Variants in RUNX2 observed in about 807,000 individuals in gnomAD.
RUNX2 encodes the protein runt-related transcription factor 2.
RUNX2 carries 10 observed loss-of-function variants against 51.7 expected under a neutral mutation model. The ratio of observed to expected loss-of-function variants is 0.19; its 90% CI spans 0.12 to 0.33. The LOEUF is 0.33. Ranked by LOEUF, RUNX2 falls within the 10% of genes least tolerant of loss-of-function variation. The probability of loss-of-function intolerance (pLI) is 1.00; values close to 1 mark genes in which losing one functional copy is unlikely to be tolerated. For synonymous variants in RUNX2, 276 were observed against 273.6 expected (o/e 1.01, Z -0.09); for missense variants, 562 against 691.3 (o/e 0.81, Z 2.10).
intron 5 of RUNX2, among the ~76,000 whole-genome samples, chr6:45,448,775 G>A (rs1465398683): frequency 6.6e-6 from 1 of 152,142 alleles, no homozygotes; most frequent in African/African-American, 2.4e-5. Flanking sequence ...TTGGTTGCGG[G>A]GGATACTCAG....
chr6:45,452,779 C>T (rs752540262), intron 5 of RUNX2, among the ~76,000 whole-genome samples: 18 of 152,108 alleles, frequency 1.2e-4, no homozygotes, highest in Admixed American at 3.3e-4. Flanking sequence ...AAACAGACTT[C>T]GAAACAGGTG....
chr6:45,437,928 T>C lies in RUNX2; in HGVS notation c.581-19T>C, dbSNP rs753026542. ...GTTTTTTAATATTCACTGTATATTT[T>C]CCCCTTTTATATCTGCAGGCAAGAG... On this transcript the variant is annotated intron_variant, in intron 4 of 8. Transcript: ENST00000647337. 1.3e-6 allele frequency: 2 copies of C among 1,545,076 alleles called. No individual in the cohort carries two copies. The highest frequency in any genetic ancestry group is 1.1e-5 in the South Asian group (1 of 89,636).
chr6:45,424,559 G>T (rs113308638), intron 3 of RUNX2, among the ~76,000 whole-genome samples: 4,961 of 152,088 alleles, frequency 0.033, 110 homozygotes, highest in Non-Finnish European at 0.05. Context: ...AAAAGTTGGG[G>T]GAGGAATCAT....
chr6:45,342,001 TA>T (rs888739840), intron 2 of RUNX2, among the ~76,000 whole-genome samples: 5 of 149,732 alleles, frequency 3.3e-5, no homozygotes, highest in African/African-American at 7.3e-5. Context: ...AACCTAGCAT[TA>T]AAAAAAAACG....
chr6:45,344,633 A>G (rs1283309511), intron 2 of RUNX2, among the ~76,000 whole-genome samples: 2 of 152,164 alleles, frequency 1.3e-5, no homozygotes, highest in African/African-American at 4.8e-5. Flanking sequence ...TTTAAAACCC[A>G]TTAAAAATCA....
chr6:45,353,655 T>C (rs567471622), intron 2 of RUNX2, among the ~76,000 whole-genome samples: 2 of 151,780 alleles, frequency 1.3e-5, no homozygotes, highest in Non-Finnish European at 2.9e-5. Context: ...CCATAGAAAC[T>C]AAAAATATGA....
intron 2 of RUNX2, among the ~76,000 whole-genome samples, chr6:45,350,387 C>A (rs1340595849): frequency 6.6e-6 from 1 of 152,154 alleles, no homozygotes; most frequent in East Asian, 1.9e-4. Flanking sequence ...GGAATTTGCA[C>A]CAGAATGTAA....
intron 7 of RUNX2, among the ~76,000 whole-genome samples, chr6:45,514,254 G>A (rs1801251713): frequency 1.3e-5 from 2 of 152,194 alleles, no homozygotes; most frequent in South Asian, 4.1e-4. Flanking sequence ...GCATAAATGA[G>A]TAGTCGTCAT....
intron 2 of RUNX2, among the ~76,000 whole-genome samples, chr6:45,370,353 G>A (rs940681950): frequency 6.6e-6 from 1 of 152,088 alleles, no homozygotes; most frequent in East Asian, 1.9e-4. Context: ...TGGTTGAATG[G>A]TGGTGCCATT....
intron 2 of RUNX2, among the ~76,000 whole-genome samples, chr6:45,329,614 A>T (rs1787049621): frequency 6.6e-6 from 1 of 151,962 alleles, no homozygotes; most frequent in African/African-American, 2.4e-5. Flanking sequence ...TACCAAAATG[A>T]ATAACTGCTG....
Position 45,344,116 on chromosome 6 carries a change from G to A in RUNX2, c.58+15332G>A, listed in dbSNP as rs533363422. On this transcript the variant is annotated intron_variant, in intron 2 of 8. Transcript: ENST00000647337. ...GCAATTCAAATTCCTTTTATTCGGA[G>A]AGATAAAAGTTGATATGAAGTGGAT... Among the ~76,000 whole-genome samples the A allele has an allele frequency of 1.6e-4, 25 of 152,262 alleles. No individual in the cohort carries two copies. In the South Asian group the frequency reaches 5.0e-3, roughly 30 times the overall value.
intron 5 of RUNX2, among the ~76,000 whole-genome samples, chr6:45,465,109 CT>C (rs1799589271): frequency 6.6e-6 from 1 of 152,148 alleles, no homozygotes; most frequent in Non-Finnish European, 1.5e-5. Context: ...TTATAAATCA[CT>C]CGGTGGCTCA....
chr6:45,412,831 G>A (rs1178593321), intron 2 of RUNX2, among the ~76,000 whole-genome samples: 3 of 152,186 alleles, frequency 2.0e-5, no homozygotes, highest in African/African-American at 4.8e-5. Flanking sequence ...TGCAACCTCC[G>A]CCTCCAAGAT....
intron 2 of RUNX2, among the ~76,000 whole-genome samples, chr6:45,356,454 G>C (rs1793206835): frequency 6.6e-6 from 1 of 151,898 alleles, no homozygotes; most frequent in South Asian, 2.1e-4. Context: ...CTGGAGTGCA[G>C]TGGCGCAATC....
Position 45,414,274 on chromosome 6 carries a change from C to T in RUNX2, c.59-8319C>T, listed in dbSNP as rs117763935. 1.1e-4 allele frequency among the ~76,000 whole-genome samples: 17 copies of T among 152,168 alleles called. No individual in the cohort carries two copies. In the East Asian group the frequency reaches 2.5e-3, roughly 22 times the overall value. ...TGCACAAAAGTGGGAATCATGGTAC[C>T]AAGGCCCTCTTTGGCTTGGCTGCTT... On this transcript the variant is annotated intron_variant, in intron 2 of 8. Transcript: ENST00000647337.
chr6:45,461,914 T>C (rs1457335935), intron 5 of RUNX2, among the ~76,000 whole-genome samples: 3 of 152,132 alleles, frequency 2.0e-5, no homozygotes, highest in Non-Finnish European at 4.4e-5. Flanking sequence ...ACAATATAAA[T>C]TACTAGCTTT....
chr6:45,430,507 A>G (rs1392727708), intron 3 of RUNX2, among the ~76,000 whole-genome samples: 1 of 152,210 alleles, frequency 6.6e-6, no homozygotes, highest in East Asian at 1.9e-4. Context: ...AGGAGAGGAC[A>G]TAGTGAAGGC....
chr6:45,519,798 G>GTT (rs765555716), intron 7 of RUNX2, among the ~76,000 whole-genome samples: 1,431 of 108,234 alleles, frequency 0.013, 8 homozygotes, highest in Non-Finnish European at 0.018. Flanking sequence ...ATATGTGTGT[G>GTT]TGTGTGTGTG....
chr6:45,482,323 A>G (rs900122391), intron 5 of RUNX2, among the ~76,000 whole-genome samples: 1 of 152,178 alleles, frequency 6.6e-6, no homozygotes, highest in African/African-American at 2.4e-5. Flanking sequence ...TGTTTATTAT[A>G]ATTTATTTCC....
Sources: gnomAD v4.1 joint callset for allele counts (sites outside exome capture counted in the v4.1 genomes callset) on GRCh38, gnomAD v4.1.1 for gene constraint, MANE v1.5 for transcripts, NCBI Gene and HGNC (gene_info 2026-07-23, HGNC 2026-07-21) for gene names.